The following KIRREL1 variants were observed in gnomAD, a reference collection of about 807,000 sequenced individuals.
The protein encoded by KIRREL1 is kirre like nephrin family adhesion molecule 1, also known as kin of IRRE-like protein 1.
Under a neutral mutation model 83.3 loss-of-function variants are expected in KIRREL1, and 25 were observed. The observed-to-expected ratio is 0.30, with a 90% CI of 0.22 to 0.42. KIRREL1 has a LOEUF of 0.42. Ranked by LOEUF, KIRREL1 falls within the 10% of genes least tolerant of loss-of-function variation. The probability of loss-of-function intolerance (pLI) is 1.00; values close to 1 mark genes in which losing one functional copy is unlikely to be tolerated. For synonymous variants in KIRREL1, 388 were observed against 410.4 expected (o/e 0.95, Z 0.66); for missense variants, 812 against 1,032.3 (o/e 0.79, Z 2.92).
At chr1:158,086,000 T>G (rs568417966) in intron 4 of KIRREL1, among the ~76,000 whole-genome samples, 3 of 152,170 alleles carry the variant, frequency 2.0e-5, no homozygotes, top group Non-Finnish European at 4.4e-5. Context: ...TTCTGAGGGC[T>G]GGGCTGGCTG....
intron 1 of KIRREL1, among the ~76,000 whole-genome samples, chr1:158,004,786 A>C (rs1350339684): frequency 6.6e-6 from 1 of 152,048 alleles, no homozygotes; most frequent in South Asian, 2.1e-4. Flanking sequence ...TCTACTAAAA[A>C]TACAAAAATT....
At chr1:158,062,614 T>G (rs1214162671) in intron 1 of KIRREL1, among the ~76,000 whole-genome samples, 4 of 152,262 alleles carry the variant, frequency 2.6e-5, no homozygotes, top group Non-Finnish European at 4.4e-5. Context: ...TCCCTTTTGG[T>G]GGCTGTATAC....
chr1:158,014,500 C>T (rs1659771151), intron 1 of KIRREL1, among the ~76,000 whole-genome samples: 1 of 152,124 alleles, frequency 6.6e-6, no homozygotes, highest in East Asian at 1.9e-4. Context: ...TTCTCCCACC[C>T]TTTACTCCTT....
At chr1:158,078,244 C>T (rs1570984860) in intron 3 of KIRREL1, 104 bp downstream of exon 3, 1 of 1,276,302 alleles carries the variant, frequency 7.8e-7, no homozygotes, top group Non-Finnish European at 1.1e-6. Context: ...GCTTCTCCCT[C>T]TCTGTTACTG....
intron 1 of KIRREL1, among the ~76,000 whole-genome samples, chr1:158,010,575 G>T (rs1223105064): frequency 6.6e-6 from 1 of 152,176 alleles, no homozygotes; most frequent in South Asian, 2.1e-4. Flanking sequence ...CTCTGGCTTT[G>T]CCCTGAACTT....
chr1:158,029,372 T>TGTGTGTGTGC (rs1190966368), intron 1 of KIRREL1, among the ~76,000 whole-genome samples: 58 of 149,494 alleles, frequency 3.9e-4, no homozygotes, highest in Admixed American at 6.6e-4. Context: ...TGTGTGCACG[T>TGTGTGTGTGC]GCGCGCGCAT....
At chr1:158,030,321 T>G (rs1660289437) in intron 1 of KIRREL1, among the ~76,000 whole-genome samples, 1 of 152,250 alleles carries the variant, frequency 6.6e-6, no homozygotes, top group Non-Finnish European at 1.5e-5. Context: ...CACATACACA[T>G]GCCATTCAGA....
intron 3 of KIRREL1, among the ~76,000 whole-genome samples, chr1:158,084,188 T>C (rs180848749): frequency 6.6e-6 from 1 of 151,932 alleles, no homozygotes; most frequent in Admixed American, 6.5e-5. Context: ...CAGAAAATAT[T>C]ATAGGCCAGG....
Position 158,095,547 on chromosome 1 carries a change from C to G in KIRREL1, c.*427C>G. On this transcript the variant is annotated 3_prime_UTR_variant, in exon 15 of 15. Coordinates refer to ENST00000359209, the MANE Select transcript of KIRREL1 (RefSeq NM_018240.7). ...AGTATGGGAGTGGGTGGCTGTGGCACAGACAGGTGGAAAACGGGATAGCCT... is the reference window on the plus strand; with the variant it reads ...AGTATGGGAGTGGGTGGCTGTGGCAGAGACAGGTGGAAAACGGGATAGCCT... 1 of 162,724 alleles carries G rather than the reference C, an allele frequency of 6.1e-6. No homozygotes were observed. The highest frequency in any genetic ancestry group is 1.3e-5 in the Non-Finnish European group (1 of 75,602). 10.1% of individuals were successfully genotyped at this position (162,724 alleles called of 1,614,324 possible).
chr1:157,999,179 A>G (rs1460504326), intron 1 of KIRREL1, among the ~76,000 whole-genome samples: 1 of 152,146 alleles, frequency 6.6e-6, no homozygotes, highest in African/African-American at 2.4e-5. Flanking sequence ...AATTCCAAGG[A>G]CACATCTATC....
In KIRREL1 at chr1:158,089,522, G is replaced by A; in HGVS notation, c.1065G>A (p.Gln355=). 3 of 1,614,200 alleles carry A rather than the reference G, an allele frequency of 1.9e-6. No individual in the cohort carries two copies. The highest frequency in any genetic ancestry group is 2.5e-6 in the Non-Finnish European group (3 of 1,180,034). Residue 355 remains glutamine, a synonymous_variant, in exon 9 of 15, where the codon CAG becomes CAA. Coordinates refer to ENST00000359209, the MANE Select transcript of KIRREL1 (RefSeq NM_018240.7). Reference sequence around the variant, plus strand: ...CCCAGGTCCTGAGTAACAGCAACCAGCTGCTGCTGAAGTCGGTGACTCAGG... The same window carrying A: ...CCCAGGTCCTGAGTAACAGCAACCAACTGCTGCTGAAGTCGGTGACTCAGG... ...DSNMVLSNSN[Q]LLLKSVTQAD...
chr1:158,058,186 C>T (rs1661118372), intron 1 of KIRREL1, among the ~76,000 whole-genome samples: 1 of 152,154 alleles, frequency 6.6e-6, no homozygotes, highest in Non-Finnish European at 1.5e-5. Context: ...ATTCTGTTGG[C>T]ACTTTGTCCT....
intron 1 of KIRREL1, among the ~76,000 whole-genome samples, chr1:158,054,512 G>A (rs1660999235): frequency 6.6e-6 from 1 of 152,044 alleles, no homozygotes; most frequent in Admixed American, 6.6e-5. Context: ...TTCTCAAAAT[G>A]GTTCTCCAAG....
chr1:158,094,726 C>T lies in KIRREL1; in HGVS notation c.1880C>T (p.Ala627Val), dbSNP rs1216032893. Residue 627 changes from alanine (A) to valine (V), a missense_variant, in exon 15 of 15, where the codon GCC becomes GTC. Transcript: ENST00000359209. This position sits in a 1 kb window ranked among gnomAD's most constrained non-coding sequence, Gnocchi z 4.6. ...GCAGTGCTCTATGCTGACTACCGTG[C>T]CCCTGGCCCTGCCCGCTTCGACGGC... ...SRAVLYADYR[A>V]PGPARFDGRP... is the part of the protein sequence containing the mutation. 1.2e-6 allele frequency: 2 copies of T among 1,613,348 alleles called. No homozygotes were observed. The highest frequency in any genetic ancestry group is 1.7e-6 in the Non-Finnish European group (2 of 1,179,982).
intron 1 of KIRREL1, 48 bp downstream of exon 1, chr1:157,993,776 C>A (rs754809063): frequency 2.7e-5 from 34 of 1,277,448 alleles, no homozygotes; most frequent in Non-Finnish European, 2.4e-5. Context: ...CCCCCGGGGC[C>A]GGGGCACTGC....
intron 1 of KIRREL1, among the ~76,000 whole-genome samples, chr1:158,028,161 A>T (rs774940333): frequency 3.9e-5 from 6 of 152,164 alleles, no homozygotes; most frequent in Non-Finnish European, 8.8e-5. Flanking sequence ...GTCTCTCTCC[A>T]CAACTAACCT....
rs931261084 is a variant in KIRREL1, at chr1:158,099,722, CT to C, written c.*4603del. 21 of 152,264 alleles carry C rather than the reference CT, an allele frequency of 1.4e-4. No homozygotes were observed. The highest frequency in any genetic ancestry group is 4.8e-4 in the African/African-American group (20 of 41,522). 9.4% of individuals were successfully genotyped at this position (152,264 alleles called of 1,614,324 possible). On this transcript the variant is annotated 3_prime_UTR_variant, in exon 15 of 15. Transcript: ENST00000359209. Reference sequence around the variant, plus strand: ...CTGCTGTCCCTACCCTGGTTTTTTGCTGGCCCCAACCACTGGCCTTGTTGAG... The same window carrying C: ...CTGCTGTCCCTACCCTGGTTTTTTGCGGCCCCAACCACTGGCCTTGTTGAG...
chr1:158,088,111 C>T lies in KIRREL1; in HGVS notation c.873C>T (p.Asn291=). 3.1e-6 allele frequency: 5 copies of T among 1,614,132 alleles called. No individual in the cohort carries two copies. The South Asian group carries it at 4.4e-5, about 14-fold the overall frequency. The change falls in exon 7 of 15, where the codon AAC becomes AAT. Residue 291 remains asparagine (N), a synonymous_variant. Coordinates refer to ENST00000359209, the MANE Select transcript of KIRREL1 (RefSeq NM_018240.7). ...AGCCTGTGTCTTGTGAGGTTCACAACAAAGTGGGAAGCACCAATGTCAGCA... is the reference window on the plus strand; with the variant it reads ...AGCCTGTGTCTTGTGAGGTTCACAATAAAGTGGGAAGCACCAATGTCAGCA... ...FTEPVSCEVH[N]KVGSTNVSTL...
At chr1:158,076,456 T>A (rs1242348199) in intron 2 of KIRREL1, among the ~76,000 whole-genome samples, 194 bp downstream of exon 2, 1 of 152,186 alleles carries the variant, frequency 6.6e-6, no homozygotes, top group East Asian at 1.9e-4. Context: ...TTCCTCCCAC[T>A]GAGGACTGAC....
Sources: allele counts gnomAD v4.1 joint callset (sites outside exome capture counted in the v4.1 genomes callset), GRCh38; gene constraint gnomAD v4.1.1; non-coding constraint Gnocchi (gnomAD v3.1); transcripts MANE v1.5; gene names NCBI Gene and HGNC (gene_info 2026-07-23, HGNC 2026-07-21).